TPRG1: variants seen among roughly 807,000 people sequenced by gnomAD.
The protein encoded by TPRG1 is tumor protein p63-regulated gene 1 protein.
In TPRG1, 29 loss-of-function variants were observed where a neutral mutation model predicts 29.3. That is an observed-to-expected ratio of 0.99 (90% confidence interval 0.74 to 1.35). The LOEUF is 1.35. TPRG1 is among the 40% of genes most tolerant of loss of function. TPRG1 has a pLI of 0.00. For missense variants in TPRG1, 327 were observed against 335.0 expected (o/e 0.98, Z 0.19); for synonymous variants, 130 against 116.8 (o/e 1.11, Z -0.73).
At chr3:189,185,860 T>C (rs1730853651) in intron 1 of TPRG1, among the ~76,000 whole-genome samples, 2 of 152,208 alleles carry the variant, frequency 1.3e-5, no homozygotes, top group African/African-American at 2.4e-5. Context: ...ATGGTATGTA[T>C]AGCTTAGGAC....
Position 189,238,921 on chromosome 3 carries a change from T to C in TPRG1, c.479+12T>C, listed in dbSNP as rs1411640451. On this transcript the variant is annotated intron_variant, in intron 4 of 5. Coordinates refer to ENST00000345063, the MANE Select transcript of TPRG1 (RefSeq NM_198485.4). ...ATGTCCCTGGACAAGTGAGTATATA[T>C]CTTATACTTGAAGAAGTGGTGCAGC... The C allele has an allele frequency of 2.5e-6, 4 of 1,581,562 alleles. No individual in the cohort carries two copies. Among genetic ancestry groups the C allele is most frequent in the Non-Finnish European group, 3.5e-6 (4 of 1,158,436 alleles).
intron 2 of TPRG1, among the ~76,000 whole-genome samples, chr3:189,208,093 A>T (rs1199360913): frequency 6.6e-6 from 1 of 152,234 alleles, no homozygotes; most frequent in African/African-American, 2.4e-5. Context: ...GACCAGCTGG[A>T]GCTGAGCTCT....
In TPRG1 at chr3:189,066,635, T is replaced by TA. The variant is rs111327390; in HGVS notation, c.-463+42701dup. On this transcript the variant is annotated intron_variant, in intron 4 of 10. Coordinates refer to the TPRG1 transcript ENST00000433971. ...TAACATCCCTTCATGATAAAAACCT[T>TA]AAAAAAAAAAAACTGGCTATAGAAG... is the stretch of plus-strand genomic sequence containing the variant. 5.3e-3 allele frequency among the ~76,000 whole-genome samples: 756 copies of TA among 141,472 alleles called. 3 individuals are homozygous for TA. The highest frequency in any genetic ancestry group is 9.1e-3 in the African/African-American group (361 of 39,482). 92.8% of individuals were successfully genotyped at this position (141,472 alleles called of 152,430 possible). A position where few individuals can be genotyped will look rare whatever the true frequency, so the allele number is the denominator to read the frequency against.
At chr3:189,133,566 C>T (rs1723358578) in intron 3 of TPRG1, among the ~76,000 whole-genome samples, 2 of 152,168 alleles carry the variant, frequency 1.3e-5, no homozygotes, top group South Asian at 4.1e-4. Context: ...ACTTCTCTCT[C>T]CTGCCACCAT....
intron 4 of TPRG1, among the ~76,000 whole-genome samples, chr3:189,281,787 G>T (rs1426943873): frequency 6.6e-6 from 1 of 152,042 alleles, no homozygotes; most frequent in Non-Finnish European, 1.5e-5. Flanking sequence ...CCATCTCAAG[G>T]CACCTACTGA....
intron 4 of TPRG1, among the ~76,000 whole-genome samples, chr3:189,308,340 T>G (rs554246330): frequency 1.3e-5 from 2 of 152,292 alleles, no homozygotes; most frequent in Admixed American, 6.5e-5. Flanking sequence ...TTCATGTGAG[T>G]ACGTTACTAT....
chr3:189,169,891 C>T (rs889838606), upstream of TPRG1, among the ~76,000 whole-genome samples: 2 of 152,122 alleles, frequency 1.3e-5, no homozygotes, highest in African/African-American at 2.4e-5. Context: ...TTCCGTGTGG[C>T]ATTACTCCTA....
At chr3:189,207,642 A>T (rs371463429) in intron 2 of TPRG1, 48 bp downstream of exon 2, 1 of 1,566,088 alleles carries the variant, frequency 6.4e-7, no homozygotes, top group African/African-American at 1.4e-5. Flanking sequence ...TCACCCCAAG[A>T]CATCTTAAAA....
At chr3:189,241,500 A>G (rs1407111414) in intron 4 of TPRG1, among the ~76,000 whole-genome samples, 1 of 151,894 alleles carries the variant, frequency 6.6e-6, no homozygotes, top group South Asian at 2.1e-4. Flanking sequence ...TAGAGAACTG[A>G]ATTCCTTTTC....
intron 4 of TPRG1, among the ~76,000 whole-genome samples, chr3:189,069,067 T>A (rs1459230095): frequency 6.6e-6 from 1 of 152,208 alleles, no homozygotes. Context: ...TTATAGATGC[T>A]TTATTCATAA....
At chr3:189,017,545 C>T (rs1476772819) in intron 3 of TPRG1, among the ~76,000 whole-genome samples, 1 of 152,202 alleles carries the variant, frequency 6.6e-6, no homozygotes, top group Non-Finnish European at 1.5e-5. Context: ...CATGTGCCTA[C>T]AAAGGACATG....
intron 4 of TPRG1, among the ~76,000 whole-genome samples, chr3:189,085,271 G>A (rs1321052336): frequency 9.9e-5 from 15 of 152,178 alleles, no homozygotes. Flanking sequence ...GTCTGTCAAT[G>A]AGCTATTCAG....
intron 1 of TPRG1, among the ~76,000 whole-genome samples, chr3:189,119,672 C>T (rs950498115): frequency 2.0e-5 from 3 of 152,136 alleles, no homozygotes; most frequent in African/African-American, 7.2e-5. Context: ...TTATAAGGAA[C>T]ATTTCCCTGT....
At chr3:189,147,180 C>G (rs1297409100) in intron 3 of TPRG1, among the ~76,000 whole-genome samples, 3 of 152,182 alleles carry the variant, frequency 2.0e-5, no homozygotes, top group African/African-American at 7.2e-5. Flanking sequence ...GAAGAGTTAT[C>G]CAGTGATCCC....
chr3:189,133,606 C>T (rs1325454997), intron 3 of TPRG1, among the ~76,000 whole-genome samples: 1 of 152,162 alleles, frequency 6.6e-6, no homozygotes, highest in Non-Finnish European at 1.5e-5. Context: ...TCTCCTCTGC[C>T]ATGATTGTGA....
intron 1 of TPRG1, among the ~76,000 whole-genome samples, chr3:189,178,123 A>T (rs1729735220): frequency 6.6e-6 from 1 of 152,238 alleles, no homozygotes; most frequent in South Asian, 2.1e-4. Flanking sequence ...GAGATTGTGA[A>T]TATAGATGTT....
intron 3 of TPRG1, among the ~76,000 whole-genome samples, chr3:189,023,179 AC>A (rs1254411411): frequency 1.3e-5 from 2 of 152,018 alleles, no homozygotes; most frequent in African/African-American, 2.4e-5. Flanking sequence ...TGCAGAAATC[AC>A]CCGTCTTCTG....
intron 4 of TPRG1, among the ~76,000 whole-genome samples, chr3:189,056,948 A>G (rs1715738615): frequency 6.6e-6 from 1 of 152,194 alleles, no homozygotes; most frequent in East Asian, 1.9e-4. Context: ...TCCACTGTAC[A>G]TCCAGTGCTC....
At chr3:189,172,402 G>A (rs923078124) in intron 1 of TPRG1, among the ~76,000 whole-genome samples, 1 of 152,138 alleles carries the variant, frequency 6.6e-6, no homozygotes, top group African/African-American at 2.4e-5. Context: ...GCCCTATAGT[G>A]CAGTAGGATG....
Sources: allele counts gnomAD v4.1 joint callset (sites outside exome capture counted in the v4.1 genomes callset), GRCh38; gene constraint gnomAD v4.1.1; transcripts MANE v1.5; gene names NCBI Gene and HGNC (gene_info 2026-07-23, HGNC 2026-07-21).